Variants in TMSB4X observed in about 807,000 individuals in gnomAD.
TMSB4X encodes the protein thymosin beta 4 X-linked.
Under a neutral mutation model 3.6 loss-of-function variants are expected in TMSB4X, and 1 was observed. The observed-to-expected ratio is 0.28, with a 90% confidence interval of 0.10 to 1.32. TMSB4X has a LOEUF of 1.32. TMSB4X is among the 40% of genes most tolerant of loss of function. The pLI, the probability that TMSB4X is intolerant of heterozygous loss-of-function variation, is 0.45. For missense variants in TMSB4X, 6 were observed against 32.7 expected (o/e 0.18, Z 1.99); for synonymous variants, 12 against 14.3 (o/e 0.84, Z 0.36).
chrX:12,975,335 G>C (rs745781215), intron 1 of TMSB4X, 167 bp downstream of exon 1: 1 of 113,630 alleles, frequency 8.8e-6, no homozygotes, highest in African/African-American at 3.2e-5. Context: ...CTAGATACTG[G>C]ATAATGGGGT....
chrX:12,976,336 G>A lies in TMSB4X; in HGVS notation c.75G>A (p.Glu25=), dbSNP rs765985935. The change falls in exon 2 of 3, where the codon GAG becomes GAA. Residue 25 remains glutamate (E), a synonymous_variant. Transcript: ENST00000451311. ...KSKLKKTETQ[E]KNPLPSKETI... ...AACTGAAGAAGACAGAGACGCAAGA[G>A]AAAAATCCACTGCCTTCCAAAGAAA... is the stretch of plus-strand genomic sequence containing the variant. The A allele has an allele frequency of 3.5e-5, 42 of 1,191,445 alleles. No homozygotes were observed. Among genetic ancestry groups the A allele is most frequent in the Non-Finnish European group, 4.6e-5 (41 of 884,056 alleles).
chrX:12,975,973 T>G (rs1049792871), intron 1 of TMSB4X: 4 of 219,555 alleles, frequency 1.8e-5, no homozygotes, highest in Non-Finnish European at 3.3e-5. Context: ...CAATTCGCAG[T>G]GGTCAATTTC....
At chrX:12,976,107 A>G in intron 1 of TMSB4X, 139 bp from the exon 2 acceptor site, 1 of 448,132 alleles carries the variant, frequency 2.2e-6, no homozygotes. Flanking sequence ...GAAGCTCGTG[A>G]GCGCGGAACG....
intron 2 of TMSB4X, 50 bp downstream of exon 2, chrX:12,976,411 G>A (rs368084887): frequency 9.1e-7 from 1 of 1,098,405 alleles, no homozygotes; most frequent in African/African-American, 1.8e-5. Context: ...GGGAGCGGCC[G>A]GTGGGAGGGC....
At chrX:12,976,220 G>A (rs771129453) in intron 1 of TMSB4X, 26 bp from the exon 2 acceptor site, 2 of 1,142,761 alleles carry the variant, frequency 1.8e-6, no homozygotes, top group Admixed American at 2.2e-5. Flanking sequence ...TCTTCCTCAC[G>A]CTCGCTCTTG....
chrX:12,976,181 C>A, intron 1 of TMSB4X, 65 bp from the exon 2 acceptor site: 1 of 873,544 alleles, frequency 1.1e-6, no homozygotes, highest in Non-Finnish European at 1.7e-6. Flanking sequence ...AAGTGCAGTT[C>A]CCAGCCCAGA....
chrX:12,976,824 C>G lies in TMSB4X; in HGVS notation c.*13C>G, dbSNP rs1274782517. On this transcript the variant is annotated 3_prime_UTR_variant, in exon 3 of 3. Coordinates refer to ENST00000451311, the MANE Select transcript of TMSB4X (RefSeq NM_021109.4). ...AGGCGAATCGTAATGAGGCGTGCGC[C>G]GCCAATATGCACTGTACATTCCACA... 8.4e-7 allele frequency: 1 copy of G among 1,193,841 alleles called. No homozygotes were observed. Among genetic ancestry groups the G allele is most frequent in the Non-Finnish European group, 1.1e-6 (1 of 886,718 alleles).
chrX:12,975,907 GCTTTCCTCTT>G (rs2043293360), intron 1 of TMSB4X: 2 of 126,538 alleles, frequency 1.6e-5, no homozygotes, highest in East Asian at 2.3e-4. Flanking sequence ...TTTGGAAGTG[GCTTTCCTCTT>G]CTTTCCTTGT....
At chrX:12,975,936 G>C (rs2043293574) in intron 1 of TMSB4X, 1 of 150,688 alleles carries the variant, frequency 6.6e-6, no homozygotes, top group South Asian at 2.2e-4. Flanking sequence ...GTCCTAGCCA[G>C]CCTTTAATTT....
At chrX:12,975,351 A>C (rs1014861692) in intron 1 of TMSB4X, 183 bp downstream of exon 1, 1 of 113,637 alleles carries the variant, frequency 8.8e-6, no homozygotes, top group Admixed American at 9.4e-5. Flanking sequence ...GGGGTGGGGA[A>C]ATCGATGATT....
rs11544917 is a variant in TMSB4X at position 12,977,130 on chromosome X, C to A, written c.*319C>A. ...CCAAGGTGTCCTGCAGGCTGTAATG[C>A]AGTTTAATCAGAGTGCCATTTTTTT... On this transcript the variant is annotated 3_prime_UTR_variant, in exon 3 of 3. Transcript: ENST00000451311. 1.3e-3 allele frequency: 299 copies of A among 236,805 alleles called. 3 individuals are homozygous for A. In the East Asian group the frequency reaches 0.024, roughly 19 times the overall value. The allele number at this position is 236,805 out of a possible 1,213,427, so 19.5% of individuals were successfully genotyped here.
chrX:12,975,979 A>C, intron 1 of TMSB4X: 1 of 237,674 alleles, frequency 4.2e-6, no homozygotes, highest in Non-Finnish European at 7.5e-6. Context: ...GCAGTGGTCA[A>C]TTTCCTTTAT....
rs11544916 is a variant in TMSB4X at position 12,977,086 on chromosome X, A to G, written c.*275A>G. On this transcript the variant is annotated 3_prime_UTR_variant, in exon 3 of 3. Transcript: ENST00000451311. ...GTGGGGTGGGACGACAGTGAAATCT[A>G]GAGTAAAACCAAGCTGGCCCAAGGT... 6.0e-5 allele frequency: 22 copies of G among 369,009 alleles called. No homozygotes were observed. The highest frequency in any genetic ancestry group is 9.5e-5 in the Non-Finnish European group (20 of 209,782). The allele number at this position is 369,009 out of a possible 1,213,427, so 30.4% of individuals were successfully genotyped here.
chrX:12,976,800 G>A lies in TMSB4X; in HGVS notation c.124G>A (p.Gly42Ser). ...KETIEQEKQA[G>S]ES Reference sequence around the variant, plus strand: ...AGCGATTGAACAGGAGAAGCAAGCAGGCGAATCGTAATGAGGCGTGCGCCG... The same window carrying A: ...AGCGATTGAACAGGAGAAGCAAGCAAGCGAATCGTAATGAGGCGTGCGCCG... Residue 42 changes from glycine to serine, a missense_variant, in exon 3 of 3, where the codon GGC becomes AGC. Transcript: ENST00000451311. 2 of 1,194,489 alleles carry A rather than the reference G, an allele frequency of 1.7e-6. No homozygotes were observed. Among genetic ancestry groups the A allele is most frequent in the Non-Finnish European group, 2.2e-6 (2 of 889,782 alleles).
Position 12,976,995 on chromosome X carries a change from A to G in TMSB4X, c.*184A>G, listed in dbSNP as rs891751809. 2.5e-4 allele frequency: 133 copies of G among 538,835 alleles called. 1 individual carries two copies. The highest frequency in any genetic ancestry group is 4.6e-4 in the South Asian group (15 of 32,378). The allele number at this position is 538,835 out of a possible 1,213,427, so 44.4% of individuals were successfully genotyped here. On this transcript the variant is annotated 3_prime_UTR_variant, in exon 3 of 3. Transcript: ENST00000451311. ...CCGCGCCTGCCTTTCCCATCTGTCT[A>G]TCTATCTGGCTGGCAGGGAAGGAAA... is the stretch of plus-strand genomic sequence containing the variant.
chrX:12,976,255 C>T lies in TMSB4X; in HGVS notation c.-7C>T, dbSNP rs2147274966. ...GGCTTGCTCCCTGCAGCTTTTCCTCCGCAACCATGTCTGACAAACCCGATA... is the reference window on the plus strand; with the variant it reads ...GGCTTGCTCCCTGCAGCTTTTCCTCTGCAACCATGTCTGACAAACCCGATA... On this transcript the variant is annotated 5_prime_UTR_variant, in exon 2 of 3. Transcript: ENST00000451311. 1 of 1,207,907 alleles carries T rather than the reference C, an allele frequency of 8.3e-7. No individual in the cohort carries two copies. Among genetic ancestry groups the T allele is most frequent in the Non-Finnish European group, 1.1e-6 (1 of 892,483 alleles).
At chrX:12,976,650 C>T (rs1184745978) in intron 2 of TMSB4X, 127 bp from the exon 3 acceptor site, 3 of 745,622 alleles carry the variant, frequency 4.0e-6, no homozygotes, top group Middle Eastern at 3.0e-4. Flanking sequence ...ATATTTTATT[C>T]CATTGTGGAA....
chrX:12,977,013 G>A lies in TMSB4X; in HGVS notation c.*202G>A, dbSNP rs990244866. 1 of 481,130 alleles carries A rather than the reference G, an allele frequency of 2.1e-6. No homozygotes were observed. The highest frequency in any genetic ancestry group is 4.3e-5 in the Admixed American group (1 of 23,249). 39.7% of individuals were successfully genotyped at this position (481,130 alleles called of 1,213,427 possible). On this transcript the variant is annotated 3_prime_UTR_variant, in exon 3 of 3. Transcript: ENST00000451311. ...TCTGTCTATCTATCTGGCTGGCAGGGAAGGAAAGAACTTGCATGTTGGTGA... is the reference window on the plus strand; with the variant it reads ...TCTGTCTATCTATCTGGCTGGCAGGAAAGGAAAGAACTTGCATGTTGGTGA...
intron 1 of TMSB4X, chrX:12,975,439 C>CA (rs1418457530): frequency 1.8e-5 from 2 of 113,305 alleles, no homozygotes; most frequent in African/African-American, 6.5e-5. Context: ...TGTTTGCCCG[C>CA]AAAGGTATTG....
Sources: allele counts gnomAD v4.1 joint callset, GRCh38; gene constraint gnomAD v4.1.1; transcripts MANE v1.5; gene names NCBI Gene and HGNC (gene_info 2026-07-23, HGNC 2026-07-21).